The following MCF2L2 variants were observed in gnomAD, a reference collection of about 807,000 sequenced individuals.
MCF2L2 encodes probable guanine nucleotide exchange factor MCF2L2.
In MCF2L2, 102 loss-of-function variants were observed where a neutral mutation model predicts 150.2. That is an observed-to-expected ratio of 0.68 (90% CI 0.58 to 0.80). The LOEUF is 0.80. MCF2L2 is among the 30% of genes least tolerant of loss of function. The pLI, the probability that MCF2L2 is intolerant of heterozygous loss-of-function variation, is 0.00. For synonymous variants in MCF2L2, 465 were observed against 491.3 expected (o/e 0.95, Z 0.71); for missense variants, 1,256 against 1,372.8 (o/e 0.91, Z 1.34).
chr3:183,321,136 C>T (rs114938450), intron 6 of MCF2L2, among the ~76,000 whole-genome samples: 249 of 152,306 alleles, frequency 1.6e-3, no homozygotes, highest in Non-Finnish European at 2.9e-3. Context: ...CCACAGATCA[C>T]TGTTACAAAT....
intron 1 of MCF2L2, among the ~76,000 whole-genome samples, chr3:183,427,358 T>G (rs1342534534): frequency 2.0e-5 from 3 of 152,182 alleles, no homozygotes; most frequent in African/African-American, 7.2e-5. Flanking sequence ...TGCAGAGATT[T>G]CTCGCGGGGA....
At chr3:183,284,669 T>TC (rs1355748382) in intron 14 of MCF2L2, among the ~76,000 whole-genome samples, 1 of 150,742 alleles carries the variant, frequency 6.6e-6, no homozygotes, top group African/African-American at 2.4e-5. Context: ...TCCATGGCAC[T>TC]CCAGCTTGGG....
chr3:183,297,962 T>C (rs1476296642), intron 11 of MCF2L2: 1 of 152,236 alleles, frequency 6.6e-6, no homozygotes, highest in African/African-American at 2.4e-5. Flanking sequence ...AATAAGACAT[T>C]AGACCTGGCC....
chr3:183,256,933 G>A (rs1052440007), intron 15 of MCF2L2, among the ~76,000 whole-genome samples: 2 of 152,124 alleles, frequency 1.3e-5, no homozygotes, highest in Non-Finnish European at 2.9e-5. Context: ...TGCCTCAACA[G>A]TATTTGCGAT....
chr3:183,333,248 T>C (rs1577069454), intron 5 of MCF2L2, among the ~76,000 whole-genome samples: 1 of 152,148 alleles, frequency 6.6e-6, no homozygotes, highest in Non-Finnish European at 1.5e-5. Context: ...GGTTTTGCCA[T>C]GTTGGCCAGG....
chr3:183,278,193 A>AT (rs1560398543), intron 14 of MCF2L2, among the ~76,000 whole-genome samples: 3 of 140,390 alleles, frequency 2.1e-5, no homozygotes, highest in African/African-American at 9.0e-5. Context: ...CAAAAGAAAA[A>AT]ATATATATAT....
intron 15 of MCF2L2, among the ~76,000 whole-genome samples, chr3:183,247,181 ACTGC>A (rs1724296571): frequency 6.6e-6 from 1 of 152,198 alleles, no homozygotes; most frequent in East Asian, 1.9e-4. Flanking sequence ...CTGAGGTCAA[ACTGC>A]CTGCAAGTTT....
intron 22 of MCF2L2, among the ~76,000 whole-genome samples, chr3:183,211,193 T>C (rs1576925482): frequency 1.3e-5 from 2 of 151,606 alleles, no homozygotes; most frequent in African/African-American, 4.9e-5. Flanking sequence ...TACAGGCGGG[T>C]CACACAGGTA....
rs775375151 is a variant in MCF2L2, at chr3:183,270,091, C to T, written c.1862+6781G>A. 6 of 1,614,134 alleles carry T rather than the reference C, an allele frequency of 3.7e-6. No homozygotes were observed. In the East Asian group the frequency reaches 1.3e-4, roughly 36 times the overall value. The stretch of plus-strand genomic sequence containing the variant: ...CTTTTACTGTTTGTAAAAACTGCTC[C>T]TGAAAACTATGATCGACGTTCCGGA... On this transcript the variant is annotated intron_variant, in intron 15 of 29. Transcript: ENST00000328913. This position sits in a 1 kb window ranked among gnomAD's most constrained non-coding sequence, Gnocchi z 4.5.
chr3:183,279,899 C>T (rs1438021958), intron 14 of MCF2L2, among the ~76,000 whole-genome samples: 2 of 152,122 alleles, frequency 1.3e-5, no homozygotes, highest in Non-Finnish European at 1.5e-5. Flanking sequence ...CATAGTGGCG[C>T]ATGTCTGTAG....
intron 15 of MCF2L2, among the ~76,000 whole-genome samples, chr3:183,260,587 A>G (rs1725491469): frequency 6.6e-6 from 1 of 152,204 alleles, no homozygotes; most frequent in South Asian, 2.1e-4. Context: ...AGAATAATCT[A>G]TAATCCCATG....
chr3:183,220,061 G>A, intron 20 of MCF2L2, 137 bp from the exon 21 acceptor site: 1 of 647,078 alleles, frequency 1.5e-6, no homozygotes. Context: ...TGTGTAAGAG[G>A]GAAAGAATAA....
At chr3:183,284,411 A>T (rs1387552284) in intron 14 of MCF2L2, among the ~76,000 whole-genome samples, 1 of 152,184 alleles carries the variant, frequency 6.6e-6, no homozygotes, top group Non-Finnish European at 1.5e-5. Context: ...TGTAAGTTAA[A>T]AATTCAGATT....
At chr3:183,232,699 T>C (rs1266578499) in intron 15 of MCF2L2, among the ~76,000 whole-genome samples, 1 of 152,120 alleles carries the variant, frequency 6.6e-6, no homozygotes, top group Non-Finnish European at 1.5e-5. Flanking sequence ...AAATAGGAGA[T>C]TCACACAAAT....
At chr3:183,415,578 A>T (rs1275345304) in intron 1 of MCF2L2, among the ~76,000 whole-genome samples, 1 of 152,154 alleles carries the variant, frequency 6.6e-6, no homozygotes, top group Non-Finnish European at 1.5e-5. Flanking sequence ...TAATTATTAT[A>T]TCTTGGTGAT....
At chr3:183,220,982 C>G (rs1723128761) in intron 20 of MCF2L2, among the ~76,000 whole-genome samples, 1 of 152,206 alleles carries the variant, frequency 6.6e-6, no homozygotes, top group East Asian at 1.9e-4. Flanking sequence ...CACCCTCTCC[C>G]CAAGATCCCA....
At chr3:183,223,964 T>G in intron 19 of MCF2L2, 134 bp downstream of exon 19, 1 of 722,722 alleles carries the variant, frequency 1.4e-6, no homozygotes, top group Non-Finnish European at 2.5e-6. Context: ...CATGTGTAAT[T>G]TCAAAGTATG....
intron 15 of MCF2L2, among the ~76,000 whole-genome samples, chr3:183,261,676 G>T (rs1725599381): frequency 6.6e-6 from 1 of 151,894 alleles, no homozygotes; most frequent in Non-Finnish European, 1.5e-5. Flanking sequence ...TTCTATGTAG[G>T]TTTCACTACA....
chr3:183,234,687 C>CTTT (rs71185647), intron 15 of MCF2L2, among the ~76,000 whole-genome samples: 1,184 of 84,026 alleles, frequency 0.014, 11 homozygotes, highest in Middle Eastern at 0.024. Flanking sequence ...ATGTATGACT[C>CTTT]TTTTTTTTTT....
Sources: gnomAD v4.1 joint callset for allele counts (sites outside exome capture counted in the v4.1 genomes callset) on GRCh38, gnomAD v4.1.1 for gene constraint, Gnocchi (gnomAD v3.1) non-coding constraint, MANE v1.5 for transcripts, NCBI Gene and HGNC (gene_info 2026-07-23, HGNC 2026-07-21) for gene names.